The following RALGAPA1 variants were observed in gnomAD, a reference collection of about 807,000 sequenced individuals.
The protein encoded by RALGAPA1 is ral GTPase-activating protein subunit alpha-1.
RALGAPA1 carries 52 observed loss-of-function variants against 269.6 expected under a neutral mutation model. The ratio of observed to expected loss-of-function variants is 0.19; its 90% CI spans 0.15 to 0.24. RALGAPA1 has a LOEUF of 0.24. Ranked by LOEUF, RALGAPA1 falls within the 10% of genes least tolerant of loss-of-function variation. The pLI, the probability that RALGAPA1 is intolerant of heterozygous loss-of-function variation, is 1.00. For missense variants in RALGAPA1, 1,917 were observed against 3,013.9 expected, an observed-to-expected ratio of 0.64 and a Z score of 8.52; for synonymous variants, 817 against 1,008.3, an observed-to-expected ratio of 0.81 and a Z score of 3.60.
chr14:35,722,960 G>T, intron 15 of RALGAPA1, 67 bp downstream of exon 15: 1 of 856,426 alleles, frequency 1.2e-6, no homozygotes, highest in South Asian at 2.0e-5. Flanking sequence ...CCTCTCCCTG[G>T]AATGGTTTTC....
intron 1 of RALGAPA1, among the ~76,000 whole-genome samples, chr14:35,783,280 G>A (rs1449176296): frequency 6.6e-6 from 1 of 151,912 alleles, no homozygotes; most frequent in African/African-American, 2.4e-5. Context: ...ATCGACAAGG[G>A]TACCAAACAA....
chr14:35,647,840 A>G (rs1469109085), intron 31 of RALGAPA1, among the ~76,000 whole-genome samples: 1 of 152,028 alleles, frequency 6.6e-6, no homozygotes, highest in Non-Finnish European at 1.5e-5. Flanking sequence ...CCCAGCTACT[A>G]GGGAGGCTGA....
In RALGAPA1 at chr14:35,775,536, C is replaced by G. The variant is rs532966687; in HGVS notation, c.217+99G>C. On this transcript the variant is annotated intron_variant, in intron 2 of 41. Transcript: ENST00000680220. ...AGAGGGAAAGCAAAAAGCTGTCCGA[C>G]AAAAATAAGTGAAACAATATGTCCA... is the stretch of plus-strand genomic sequence containing the variant. The G allele has an allele frequency of 5.9e-4, 843 of 1,416,998 alleles. 2 individuals carry two copies. Among genetic ancestry groups the G allele is most frequent in the Middle Eastern group, 5.4e-3 (21 of 3,880 alleles). 87.8% of individuals were successfully genotyped at this position (1,416,998 alleles called of 1,614,324 possible).
At chr14:35,671,192 C>T (rs888806814) in intron 26 of RALGAPA1, among the ~76,000 whole-genome samples, 197 bp downstream of exon 26, 1 of 151,982 alleles carries the variant, frequency 6.6e-6, no homozygotes, top group African/African-American at 2.4e-5. Flanking sequence ...AAATCCTGTT[C>T]TGCTTATCAG....
chr14:35,774,953 T>C, intron 3 of RALGAPA1, 53 bp downstream of exon 3: 2 of 1,061,058 alleles, frequency 1.9e-6, no homozygotes, highest in Non-Finnish European at 2.9e-6. Flanking sequence ...TTCCTTTGTA[T>C]GTTCCAAAAA....
intron 3 of RALGAPA1, 139 bp downstream of exon 3, chr14:35,774,867 A>T (rs1567205026): frequency 3.1e-6 from 2 of 647,716 alleles, no homozygotes; most frequent in Non-Finnish European, 5.5e-6. Context: ...AGGCATATTT[A>T]AAAAATTTAG....
chr14:35,764,770 C>T (rs2074009482), intron 4 of RALGAPA1, among the ~76,000 whole-genome samples: 1 of 151,642 alleles, frequency 6.6e-6, no homozygotes, highest in African/African-American at 2.4e-5. Context: ...GTCTCAAACT[C>T]TTGAGCTCAA....
chr14:35,728,015 A>G (rs1350806648), intron 13 of RALGAPA1, among the ~76,000 whole-genome samples: 1 of 152,194 alleles, frequency 6.6e-6, no homozygotes, highest in Non-Finnish European at 1.5e-5. Flanking sequence ...GCATTCACAT[A>G]TTCAGTCAAT....
At chr14:35,570,496 A>C in intron 39 of RALGAPA1, 121 bp downstream of exon 39, 1 of 825,826 alleles carries the variant, frequency 1.2e-6, no homozygotes, top group Non-Finnish European at 1.7e-6. Context: ...CTCCATTTCT[A>C]CAAAAAATAA....
chr14:35,681,908 G>A (rs2065478680), intron 21 of RALGAPA1, among the ~76,000 whole-genome samples: 1 of 152,016 alleles, frequency 6.6e-6, no homozygotes, highest in African/African-American at 2.4e-5. Context: ...TAATTATGGA[G>A]TATTTTGTAT....
At chr14:35,664,929 T>C (rs1167590305) in intron 26 of RALGAPA1, among the ~76,000 whole-genome samples, 162 bp from the exon 27 acceptor site, 1 of 152,218 alleles carries the variant, frequency 6.6e-6, no homozygotes, top group Non-Finnish European at 1.5e-5. Flanking sequence ...CCATTTATAC[T>C]TTCCACATAA....
At chr14:35,729,580 G>A (rs537806233) in intron 12 of RALGAPA1, among the ~76,000 whole-genome samples, 1 of 152,100 alleles carries the variant, frequency 6.6e-6, no homozygotes, top group Non-Finnish European at 1.5e-5. Flanking sequence ...ATGGAGCTAC[G>A]TTCCTGTCTA....
intron 36 of RALGAPA1, among the ~76,000 whole-genome samples, chr14:35,605,261 T>C (rs2059529564): frequency 6.6e-6 from 1 of 152,138 alleles, no homozygotes. Flanking sequence ...CACACATTCC[T>C]GGAAAGCCTT....
At chr14:35,651,559 A>C (rs2062828811) in intron 31 of RALGAPA1, among the ~76,000 whole-genome samples, 1 of 152,218 alleles carries the variant, frequency 6.6e-6, no homozygotes, top group African/African-American at 2.4e-5. Context: ...AATGAAATAG[A>C]GGTGGACAGA....
chr14:35,673,001 A>G lies in RALGAPA1; in HGVS notation c.4939T>C (p.Tyr1647His), dbSNP rs2064609347. The G allele has an allele frequency of 6.6e-7, 1 of 1,521,182 alleles. No individual in the cohort carries two copies. Among genetic ancestry groups the G allele is most frequent in the African/African-American group, 1.4e-5 (1 of 70,174 alleles). The allele number at this position is 1,521,182 out of a possible 1,614,324, so 94.2% of individuals were successfully genotyped here. A position where few individuals can be genotyped will look rare whatever the true frequency, so the allele number is the denominator to read the frequency against. ...LFKATMLTDKYKQGKLHAYKL... is the reference protein window; with the variant it reads ...LFKATMLTDKHKQGKLHAYKL... ...TATGCATGTAATTTACCTTGTTTAT[A>G]TTTATCAGTCAACATGGTTGCCTAA... Residue 1647 changes from tyrosine to histidine, a missense_variant, in exon 25 of 42, where the codon TAT becomes CAT. Tyr to His is a moderately conservative substitution (Grantham distance 83, BLOSUM62 2). Around this residue, in one of 11 missense-constraint regions of RALGAPA1, gnomAD observed 73 missense variants for 190.6 expected, o/e 0.38. Transcript: ENST00000680220.
intron 35 of RALGAPA1, among the ~76,000 whole-genome samples, chr14:35,624,640 A>G (rs2060878247): frequency 6.6e-6 from 1 of 152,158 alleles, no homozygotes; most frequent in African/African-American, 2.4e-5. Context: ...GCAAGAAACG[A>G]TGGCTCAATA....
chr14:35,725,039 T>C lies in RALGAPA1; in HGVS notation c.1851A>G (p.Ala617=), dbSNP rs1238680275. The C allele has an allele frequency of 1.9e-6, 3 of 1,597,376 alleles. No individual in the cohort carries two copies. The highest frequency in any genetic ancestry group is 1.1e-5 in the South Asian group (1 of 87,882). ...TTTTTATTGCCTGGAAAAGTGGTCC[T>C]GCAAGTCGACCTGCCAAGGTCATAT... ...KKNMTLAGRL[A]GPLFQTLIVA... is the part of the protein sequence containing the mutation. The change falls in exon 14 of 42, where the codon GCA becomes GCG. Residue 617 remains alanine, a synonymous_variant. Transcript: ENST00000680220.
rs112712112 is a variant in RALGAPA1, at chr14:35,684,836, G to T, written c.4294+93C>A. 92 of 1,292,418 alleles carry T rather than the reference G, an allele frequency of 7.1e-5. No individual in the cohort carries two copies. In the African/African-American group the frequency reaches 1.2e-3, roughly 16 times the overall value. 80.1% of individuals were successfully genotyped at this position (1,292,418 alleles called of 1,614,324 possible). On this transcript the variant is annotated intron_variant, in intron 20 of 41. Transcript: ENST00000680220. ...GGGAGCCACTGCCTAAGTAACACTGGAGAGGAAGGTGATGGCTACATAATC... is the reference window on the plus strand; with the variant it reads ...GGGAGCCACTGCCTAAGTAACACTGTAGAGGAAGGTGATGGCTACATAATC...
chr14:35,631,965 G>A (rs918572970), intron 33 of RALGAPA1, among the ~76,000 whole-genome samples: 1 of 152,082 alleles, frequency 6.6e-6, no homozygotes, highest in Admixed American at 6.5e-5. Context: ...CTTCCCAAAG[G>A]TAGAGACAAT....
Sources: gnomAD v4.1 joint callset for allele counts (sites outside exome capture counted in the v4.1 genomes callset) on GRCh38, gnomAD v4.1.1 for gene constraint, gnomAD v4.1.1 regional missense constraint, MANE v1.5 for transcripts, NCBI Gene and HGNC (gene_info 2026-07-23, HGNC 2026-07-21) for gene names.